FBXO3: variants seen among roughly 807,000 people sequenced by gnomAD.
FBXO3 encodes the protein F-box only protein 3.
A neutral mutation model predicts 64.8 loss-of-function variants in FBXO3; 17 were observed. That is an observed-to-expected ratio of 0.26 (90% CI 0.18 to 0.39). The LOEUF (loss-of-function observed/expected upper bound fraction) is 0.39. Ranked by LOEUF, FBXO3 falls within the 10% of genes least tolerant of loss-of-function variation. The pLI is 1.00. For synonymous variants in FBXO3, 182 were observed against 201.6 expected, an observed-to-expected ratio of 0.90 and a Z score of 0.82; for missense variants, 420 against 589.9, an observed-to-expected ratio of 0.71 and a Z score of 2.98.
At chr11:33,756,982 T>C (rs929388514) in intron 4 of FBXO3, 1 of 518,502 alleles carries the variant, frequency 1.9e-6, no homozygotes, top group African/African-American at 1.9e-5. Flanking sequence ...TCCTCCTGCG[T>C]TGGCATCCCA....
intron 3 of FBXO3, among the ~76,000 whole-genome samples, chr11:33,767,457 G>A (rs536020257): frequency 4.2e-4 from 64 of 152,244 alleles, no homozygotes; most frequent in Non-Finnish European, 2.5e-4. Flanking sequence ...ATGCCACCAC[G>A]CCTGGCTAAT....
intron 3 of FBXO3, among the ~76,000 whole-genome samples, chr11:33,765,227 T>G (rs1855338505): frequency 6.6e-6 from 1 of 152,120 alleles, no homozygotes; most frequent in Non-Finnish European, 1.5e-5. Context: ...GGGTAAAGGG[T>G]GAGGGGTGTA....
intron 3 of FBXO3, among the ~76,000 whole-genome samples, chr11:33,765,243 C>G (rs1855339299): frequency 6.6e-6 from 1 of 152,144 alleles, no homozygotes; most frequent in African/African-American, 2.4e-5. Context: ...GTGTATAGAA[C>G]TCTCTGAACT....
At chr11:33,744,979 C>A (rs1201424174) in intron 10 of FBXO3, 1 of 152,010 alleles carries the variant, frequency 6.6e-6, no homozygotes, top group African/African-American at 2.4e-5. Flanking sequence ...TTACACCCAC[C>A]CTAACAAACA....
At chr11:33,761,891 A>G (rs77339526) in intron 3 of FBXO3, among the ~76,000 whole-genome samples, 3,413 of 152,280 alleles carry the variant, frequency 0.022, 66 homozygotes, top group Non-Finnish European at 0.039. Context: ...TTCAAAGTCA[A>G]CAGGAGAGGC....
intron 3 of FBXO3, among the ~76,000 whole-genome samples, chr11:33,760,243 A>T (rs1372241957): frequency 2.0e-5 from 3 of 152,250 alleles, no homozygotes; most frequent in Admixed American, 2.0e-4. Flanking sequence ...AAACTGCTAC[A>T]ATCAAAGACA....
rs1854748745 is a variant in FBXO3, at chr11:33,743,897, TAC to T, written c.1240-1815_1240-1814del. The T allele has an allele frequency of 6.6e-6, 1 of 152,228 alleles. No homozygotes were observed. Among genetic ancestry groups the T allele is most frequent in the East Asian group, 1.9e-4 (1 of 5,200 alleles). 9.4% of individuals were successfully genotyped at this position (152,228 alleles called of 1,614,324 possible). A position where few individuals can be genotyped will look rare whatever the true frequency, so the allele number is the denominator to read the frequency against. ...AATATAAGGACATAGTGTTTATTGTTACAGTTTGTCTCTTTGAATTGGAATGT... is the reference window on the plus strand; with the variant it reads ...AATATAAGGACATAGTGTTTATTGTTAGTTTGTCTCTTTGAATTGGAATGT... On this transcript the variant is annotated intron_variant, in intron 10 of 10. Transcript: ENST00000265651. The surrounding 1 kb of genome is among the most constrained non-coding windows in gnomAD (Gnocchi z 4.6).
rs1315374934 is a variant in FBXO3 at position 33,774,363 on chromosome 11, C to G, written c.104+31G>C. ...CCTCACCGCCTCCTCTCCCCATGCC[C>G]CCACCCCTGCCATGCGTGTCGTCCC... On this transcript the variant is annotated intron_variant, in intron 1 of 10. Transcript: ENST00000265651. 5.8e-6 allele frequency: 9 copies of G among 1,550,474 alleles called. No homozygotes were observed. The East Asian group carries it at 2.2e-4, about 37-fold the overall frequency.
At position 33,741,752 on chromosome 11, in the gene FBXO3, A is replaced by G. The variant is rs538980220; in HGVS notation, c.*156T>C. On this transcript the variant is annotated 3_prime_UTR_variant, in exon 11 of 11. Transcript: ENST00000265651. The stretch of plus-strand genomic sequence containing the variant: ...ACACAAAGCAAACCCAAACAATCCA[A>G]TTCCTAATGTAGTGTCACATAGAAC... The G allele has an allele frequency of 1.6e-6, 1 of 624,082 alleles. No individual in the cohort carries two copies. The highest frequency in any genetic ancestry group is 1.9e-5 in the African/African-American group (1 of 53,064). 38.7% of individuals were successfully genotyped at this position (624,082 alleles called of 1,614,324 possible).
chr11:33,766,785 G>T (rs2133620393), intron 3 of FBXO3, among the ~76,000 whole-genome samples: 1 of 152,174 alleles, frequency 6.6e-6, no homozygotes. Flanking sequence ...TTCCTGACTT[G>T]GTTTTAAAAT....
intron 3 of FBXO3, among the ~76,000 whole-genome samples, chr11:33,763,511 A>C (rs147751462): frequency 0.013 from 1,924 of 152,176 alleles, 23 homozygotes; most frequent in Non-Finnish European, 0.022. Context: ...AATCATGAGA[A>C]TCATAATGCA....
At chr11:33,764,537 C>T (rs570087197) in intron 3 of FBXO3, among the ~76,000 whole-genome samples, 3 of 152,178 alleles carry the variant, frequency 2.0e-5, no homozygotes, top group South Asian at 2.1e-4. Context: ...GGGCACTTCA[C>T]GTCTGCAGTT....
rs745812963 is a variant in FBXO3, at chr11:33,758,521, G to A, written c.439C>T (p.Arg147Ter). 1.2e-6 allele frequency: 2 copies of A among 1,606,466 alleles called. No homozygotes were observed. Among genetic ancestry groups the A allele is most frequent in the Non-Finnish European group, 1.7e-6 (2 of 1,174,766 alleles). Reference sequence around the variant, plus strand: ...ACTAACTTCTGTCCATTGTGAATTCGGTATGAACATCGATAATCGTCAGGA... The same window carrying A: ...ACTAACTTCTGTCCATTGTGAATTCAGTATGAACATCGATAATCGTCAGGA... ...KLPDDYRCSY[R>*]IHNGQKLVVP... is the part of the protein sequence containing the mutation. Residue 147 changes from arginine (R) to a stop codon, truncating the protein, a stop_gained, in exon 4 of 11, where the codon CGA becomes TGA. Transcript: ENST00000265651. LOFTEE classifies it high-confidence loss of function.
chr11:33,769,062 A>C, intron 2 of FBXO3, 48 bp from the exon 3 acceptor site: 1 of 1,473,238 alleles, frequency 6.8e-7, no homozygotes, highest in African/African-American at 1.4e-5. Context: ...AAATAATATT[A>C]GCATTTATTT....
At position 33,751,514 on chromosome 11, in the gene FBXO3, A is replaced by C. The variant is rs760571764; in HGVS notation, c.809+9T>G. The C allele has an allele frequency of 6.3e-7, 1 of 1,579,718 alleles. No homozygotes were observed. Among genetic ancestry groups the C allele is most frequent in the Non-Finnish European group, 8.7e-7 (1 of 1,155,722 alleles). ...TCATTTCAATCCAAAAAGACCCAAA[A>C]TAAAATACCTGAAAATTTGGTCTCT... On this transcript the variant is annotated intron_variant, in intron 7 of 10. Transcript: ENST00000265651.
rs1854736470 is a variant in FBXO3 at position 33,743,491 on chromosome 11, G to A, written c.1240-1407C>T. The A allele has an allele frequency of 6.6e-6, 1 of 152,220 alleles. No homozygotes were observed. Among genetic ancestry groups the A allele is most frequent in the Admixed American group, 6.5e-5 (1 of 15,280 alleles). 9.4% of individuals were successfully genotyped at this position (152,220 alleles called of 1,614,324 possible). The stretch of plus-strand genomic sequence containing the variant: ...CAGCAAGGACCTACTTGGTATTCTG[G>A]AAAGTATGGGGCAACTTGGGGCGTG... On this transcript the variant is annotated intron_variant, in intron 10 of 10. Coordinates refer to ENST00000265651, the MANE Select transcript of FBXO3 (RefSeq NM_012175.4). This position sits in a 1 kb window ranked among gnomAD's most constrained non-coding sequence, Gnocchi z 4.6.
chr11:33,766,052 C>T (rs1855363171), intron 3 of FBXO3, among the ~76,000 whole-genome samples: 1 of 152,204 alleles, frequency 6.6e-6, no homozygotes, highest in South Asian at 2.1e-4. Flanking sequence ...CAAGCTATTT[C>T]ACCTCTTTAA....
intron 3 of FBXO3, among the ~76,000 whole-genome samples, chr11:33,758,827 G>C (rs1522087): frequency 0.35 from 52,509 of 151,852 alleles, 9,307 homozygotes; most frequent in Middle Eastern, 0.54. Flanking sequence ...GTAAAACATG[G>C]AAAGTGGGCA....
In FBXO3 at chr11:33,743,789, C is replaced by T. The variant is rs1446239853; in HGVS notation, c.1240-1705G>A. 1 of 152,266 alleles carries T rather than the reference C, an allele frequency of 6.6e-6. No individual in the cohort carries two copies. The highest frequency in any genetic ancestry group is 1.9e-4 in the East Asian group (1 of 5,202). The allele number at this position is 152,266 out of a possible 1,614,324, so 9.4% of individuals were successfully genotyped here. ...TAAATGTCACCAAGGCCTCTCCTGA[C>T]ACATCTTTATATTAGAACAACCTAA... On this transcript the variant is annotated intron_variant, in intron 10 of 10. Transcript: ENST00000265651. The surrounding 1 kb of genome is among the most constrained non-coding windows in gnomAD (Gnocchi z 4.6).
Sources: allele counts gnomAD v4.1 joint callset (sites outside exome capture counted in the v4.1 genomes callset), GRCh38; gene constraint gnomAD v4.1.1; non-coding constraint Gnocchi (gnomAD v3.1); transcripts MANE v1.5; gene names NCBI Gene and HGNC (gene_info 2026-07-23, HGNC 2026-07-21).